STK3: variants seen among roughly 807,000 people sequenced by gnomAD.
STK3 encodes the protein serine/threonine-protein kinase 3.
STK3 carries 41 observed loss-of-function variants against 58.0 expected under a neutral mutation model. The observed-to-expected ratio is 0.71, with a 90% CI of 0.55 to 0.92. The LOEUF is 0.92. STK3 is among the 40% of genes least tolerant of loss of function. The pLI is 0.00. For synonymous variants in STK3, 170 were observed against 191.0 expected (o/e 0.89, Z 0.91); for missense variants, 479 against 602.7 (o/e 0.79, Z 2.15).
chr8:98,542,068 G>T (rs1410162022), intron 9 of STK3, among the ~76,000 whole-genome samples: 1 of 152,120 alleles, frequency 6.6e-6, no homozygotes, highest in Non-Finnish European at 1.5e-5. Flanking sequence ...AGTGCTAAAT[G>T]GTAGTGAAAT....
intron 3 of STK3, among the ~76,000 whole-genome samples, chr8:98,766,653 T>G (rs1482631906): frequency 6.6e-6 from 1 of 152,170 alleles, no homozygotes; most frequent in Non-Finnish European, 1.5e-5. Flanking sequence ...TGGGCTCCTT[T>G]ACCCTCGATG....
the STK3 span, among the ~76,000 whole-genome samples, chr8:98,349,096 T>C: frequency 6.6e-6 from 1 of 152,182 alleles, no homozygotes; most frequent in Non-Finnish European, 1.5e-5. Context: ...AGCTATTAAG[T>C]CATGAAAACA....
chr8:98,557,384 T>C (rs1236329171), intron 8 of STK3, among the ~76,000 whole-genome samples: 1 of 152,080 alleles, frequency 6.6e-6, no homozygotes, highest in African/African-American at 2.4e-5. Context: ...AACAGAGCAT[T>C]ACCTTGAAAC....
chr8:98,752,668 C>T (rs1830054693), intron 3 of STK3, among the ~76,000 whole-genome samples: 1 of 150,320 alleles, frequency 6.7e-6, no homozygotes. Context: ...AGATAACTTA[C>T]AAAATGAAAG....
intron 10 of STK3, among the ~76,000 whole-genome samples, chr8:98,516,358 T>C (rs1423198461): frequency 6.6e-6 from 1 of 152,038 alleles, no homozygotes; most frequent in Non-Finnish European, 1.5e-5. Flanking sequence ...ACAAAAAAGA[T>C]GAATTTCCAC....
intron 4 of STK3, among the ~76,000 whole-genome samples, chr8:98,724,067 T>C (rs1827628395): frequency 6.6e-6 from 1 of 152,164 alleles, no homozygotes; most frequent in Admixed American, 6.5e-5. Flanking sequence ...TGTTACATGA[T>C]CACTGTCTTC....
chr8:98,581,822 C>G (rs1813914650), intron 7 of STK3, among the ~76,000 whole-genome samples: 1 of 151,920 alleles, frequency 6.6e-6, no homozygotes, highest in African/African-American at 2.4e-5. Flanking sequence ...TGCCTTCTTT[C>G]CACCTTTTAG....
At chr8:98,669,291 G>A (rs1233624857) in intron 6 of STK3, among the ~76,000 whole-genome samples, 5 of 151,982 alleles carry the variant, frequency 3.3e-5, no homozygotes, top group Admixed American at 6.6e-5. Flanking sequence ...CACTGCGCCC[G>A]GCCCATTAAT....
At chr8:98,669,866 C>T (rs1166835420) in intron 6 of STK3, among the ~76,000 whole-genome samples, 1 of 152,146 alleles carries the variant, frequency 6.6e-6, no homozygotes, top group African/African-American at 2.4e-5. Context: ...ATTAAAGATC[C>T]CTTTCAAACG....
At chr8:98,523,819 A>G (rs764150750) in intron 10 of STK3, among the ~76,000 whole-genome samples, 1 of 151,468 alleles carries the variant, frequency 6.6e-6, no homozygotes, top group Non-Finnish European at 1.5e-5. Flanking sequence ...GTTGCCCTCC[A>G]CTCTGTTGAT....
chr8:98,554,726 T>A (rs1244926445), intron 8 of STK3, among the ~76,000 whole-genome samples: 1 of 151,976 alleles, frequency 6.6e-6, no homozygotes, highest in African/African-American at 2.4e-5. Context: ...GATAACTAGT[T>A]AAACGAAATT....
At chr8:98,623,769 G>A (rs1189029357) in intron 6 of STK3, among the ~76,000 whole-genome samples, 1 of 152,152 alleles carries the variant, frequency 6.6e-6, no homozygotes, top group African/African-American at 2.4e-5. Context: ...GGGAGACAGA[G>A]CAAGACCCTG....
chr8:98,696,242 A>T (rs200472963), intron 6 of STK3, among the ~76,000 whole-genome samples: 9 of 152,206 alleles, frequency 5.9e-5, no homozygotes, highest in Admixed American at 1.3e-4. Flanking sequence ...TTTATCAGCT[A>T]AGGGAGATTT....
At chr8:98,924,235 G>A (rs952411528) in intron 1 of STK3, among the ~76,000 whole-genome samples, 2 of 152,184 alleles carry the variant, frequency 1.3e-5, no homozygotes, top group Non-Finnish European at 2.9e-5. Flanking sequence ...AACCTTGTCT[G>A]TTTAATAAGT....
chr8:98,675,927 T>C (rs751368436), intron 6 of STK3, among the ~76,000 whole-genome samples: 1 of 151,792 alleles, frequency 6.6e-6, no homozygotes, highest in Non-Finnish European at 1.5e-5. Flanking sequence ...CATAGCACGA[T>C]TCACAAGAGC....
At chr8:98,650,371 G>C (rs539265770) in intron 6 of STK3, among the ~76,000 whole-genome samples, 1 of 152,230 alleles carries the variant, frequency 6.6e-6, no homozygotes, top group East Asian at 1.9e-4. Flanking sequence ...CAAGATGACC[G>C]AATAGGAACA....
chr8:98,681,214 G>A (rs1300848610), intron 6 of STK3, among the ~76,000 whole-genome samples: 3 of 151,932 alleles, frequency 2.0e-5, no homozygotes, highest in African/African-American at 7.3e-5. Flanking sequence ...GGTCAGGCTG[G>A]TCTCGAACTC....
downstream of STK3, among the ~76,000 whole-genome samples, chr8:98,370,342 A>AGTGTGT (rs35062643): frequency 0.092 from 12,771 of 138,484 alleles, 630 homozygotes; most frequent in Admixed American, 0.13. Context: ...TGACCTCTGC[A>AGTGTGT]GTGTGTGTGT....
chr8:98,394,107 C>T (rs1253808382), intron 3 of STK3, among the ~76,000 whole-genome samples: 1 of 152,090 alleles, frequency 6.6e-6, no homozygotes, highest in Non-Finnish European at 1.5e-5. Flanking sequence ...GGAGATGTTG[C>T]TGTAGTCTCA....
Sources: gnomAD v4.1 joint callset for allele counts (sites outside exome capture counted in the v4.1 genomes callset) on GRCh38, gnomAD v4.1.1 for gene constraint, MANE v1.5 for transcripts, NCBI Gene and HGNC (gene_info 2026-07-23, HGNC 2026-07-21) for gene names.